The following TIMM21 variants were observed in gnomAD, a reference collection of about 807,000 sequenced individuals.
TIMM21 encodes mitochondrial import inner membrane translocase subunit Tim21.
Under a neutral mutation model 27.7 loss-of-function variants are expected in TIMM21, and 30 were observed. The ratio of observed to expected loss-of-function variants is 1.08; its 90% CI spans 0.81 to 1.47. TIMM21 has a LOEUF of 1.47. TIMM21 is among the 40% of genes most tolerant of loss of function. TIMM21 has a pLI of 0.00. For synonymous variants in TIMM21, 121 were observed against 114.4 expected, an observed-to-expected ratio of 1.06 and a Z score of -0.37; for missense variants, 292 against 302.9, an observed-to-expected ratio of 0.96 and a Z score of 0.27.
At chr18:74,149,243 T>G in intron 1 of TIMM21, 134 bp downstream of exon 1, 1 of 993,738 alleles carries the variant, frequency 1.0e-6, no homozygotes, top group Non-Finnish European at 1.5e-6. Flanking sequence ...TAAACATAAT[T>G]TAGAACTAGA....
intron 1 of TIMM21, among the ~76,000 whole-genome samples, chr18:74,154,887 A>G (rs1420223973): frequency 1.3e-5 from 2 of 152,182 alleles, no homozygotes; most frequent in East Asian, 3.9e-4. Flanking sequence ...TGCCTAACCT[A>G]CAGCAGTTGT....
At chr18:74,154,019 T>TTA (rs1411574607) in intron 1 of TIMM21, among the ~76,000 whole-genome samples, 1 of 152,176 alleles carries the variant, frequency 6.6e-6, no homozygotes, top group Non-Finnish European at 1.5e-5. Context: ...AACTGTAATG[T>TTA]TATAGCTCTT....
At position 74,160,090 on chromosome 18, in the gene TIMM21, A is replaced by T. The variant is rs1189279054; in HGVS notation, c.*1610A>T. ...TCCCAGCACTTTGGGAGGCTGAGGC[A>T]GGTCAATCACTGGAGGTCAGGAGTT... On this transcript the variant is annotated 3_prime_UTR_variant, in exon 6 of 6. Coordinates refer to ENST00000169551, the MANE Select transcript of TIMM21 (RefSeq NM_014177.3). 6.6e-6 allele frequency: 1 copy of T among 152,170 alleles called. No homozygotes were observed. The highest frequency in any genetic ancestry group is 6.5e-5 in the Admixed American group (1 of 15,274). 9.4% of individuals were successfully genotyped at this position (152,170 alleles called of 1,614,324 possible). A position where few individuals can be genotyped will look rare whatever the true frequency, so the allele number is the denominator to read the frequency against.
At position 74,158,207 on chromosome 18, in the gene TIMM21, G is replaced by T. The variant is rs749325569; in HGVS notation, c.573G>T (p.Thr191=). 6.2e-7 allele frequency: 1 copy of T among 1,614,160 alleles called. No individual in the cohort carries two copies. The highest frequency in any genetic ancestry group is 8.5e-7 in the Non-Finnish European group (1 of 1,180,018). The part of the protein sequence containing the change: ...TEYVKDGLKH[T]CVKFYIEGSE... ...ATGTAAAAGATGGGCTGAAACACAC[G>T]TGTGTGAAATTCTACATTGAGGGCT... is the stretch of plus-strand genomic sequence containing the variant. Residue 191 remains threonine, a synonymous_variant, in exon 5 of 6, where the codon ACG becomes ACT. Coordinates refer to ENST00000169551, the MANE Select transcript of TIMM21 (RefSeq NM_014177.3).
In TIMM21 at chr18:74,152,528, CA is replaced by C. The variant is rs1240824013; in HGVS notation, c.302-2616del. On this transcript the variant is annotated intron_variant, in intron 1 of 5. Coordinates refer to ENST00000169551, the MANE Select transcript of TIMM21 (RefSeq NM_014177.3). The surrounding 1 kb of genome is among the most constrained non-coding windows in gnomAD (Gnocchi z 4.1). ...TAAACTCCCAGAATAACACATCAGC[CA>C]GTACATTCCCTTCCGCCAGCATTCC... Among the ~76,000 whole-genome samples the C allele has an allele frequency of 6.6e-6, 1 of 152,144 alleles. No individual in the cohort carries two copies. Among genetic ancestry groups the C allele is most frequent in the Non-Finnish European group, 1.5e-5 (1 of 68,020 alleles).
chr18:74,149,715 A>T (rs770807290), intron 1 of TIMM21, among the ~76,000 whole-genome samples: 7 of 152,212 alleles, frequency 4.6e-5, no homozygotes, highest in African/African-American at 7.2e-5. Context: ...GATCATACCA[A>T]TTGTTTTAGA....
rs1980013702 is a variant in TIMM21 at position 74,158,388 on chromosome 18, G to A, written c.655G>A (p.Gly219Ser). 4 of 1,607,426 alleles carry A rather than the reference G, an allele frequency of 2.5e-6. No individual in the cohort carries two copies. The highest frequency in any genetic ancestry group is 1.3e-5 in the African/African-American group (1 of 74,442). The change falls in exon 6 of 6, where the codon GGT becomes AGT. Residue 219 changes from glycine (G) to serine (S), a missense_variant. Gly to Ser is a moderately conservative substitution (Grantham distance 56, BLOSUM62 0). Coordinates refer to ENST00000169551, the MANE Select transcript of TIMM21 (RefSeq NM_014177.3). ...YAQVKENPGSGEYDFRYIFVE... is the reference protein window; with the variant it reads ...YAQVKENPGSSEYDFRYIFVE... ...ACATTTTTTTCAGAACCCAGGAAGTGGTGAATATGATTTTCGATATATATT... is the reference window on the plus strand; with the variant it reads ...ACATTTTTTTCAGAACCCAGGAAGTAGTGAATATGATTTTCGATATATATT...
chr18:74,159,330 G>A lies in TIMM21; in HGVS notation c.*850G>A, dbSNP rs1268940259. On this transcript the variant is annotated 3_prime_UTR_variant, in exon 6 of 6. Transcript: ENST00000169551. ...CTATTTTATTTGAAATATTTGCTGG[G>A]GATTTGGAAAAAAGTGACCTTCACT... is the stretch of plus-strand genomic sequence containing the variant. The A allele has an allele frequency of 6.6e-6, 1 of 151,742 alleles. No individual in the cohort carries two copies. The highest frequency in any genetic ancestry group is 1.5e-5 in the Non-Finnish European group (1 of 67,950). 9.4% of individuals were successfully genotyped at this position (151,742 alleles called of 1,614,324 possible). A position where few individuals can be genotyped will look rare whatever the true frequency, so the allele number is the denominator to read the frequency against.
chr18:74,154,817 C>G (rs1034603176), intron 1 of TIMM21, among the ~76,000 whole-genome samples: 8 of 152,168 alleles, frequency 5.3e-5, no homozygotes, highest in African/African-American at 1.7e-4. Context: ...CATTTTGGTC[C>G]ATTCAGTCCC....
At chr18:74,154,186 G>A (rs551247445) in intron 1 of TIMM21, among the ~76,000 whole-genome samples, 36 of 152,202 alleles carry the variant, frequency 2.4e-4, no homozygotes, top group African/African-American at 7.9e-4. Flanking sequence ...ACAAATAAGC[G>A]TACTTGTATA....
chr18:74,157,227 A>C (rs1006695684), intron 3 of TIMM21: 4 of 152,184 alleles, frequency 2.6e-5, no homozygotes, highest in Admixed American at 2.6e-4. Flanking sequence ...TTTATTTTAA[A>C]TGTCATTATC....
At chr18:74,154,088 TAGAA>T (rs762441157) in intron 1 of TIMM21, among the ~76,000 whole-genome samples, 21 of 152,030 alleles carry the variant, frequency 1.4e-4, no homozygotes, top group East Asian at 1.2e-3. Context: ...AGTGAAAAAA[TAGAA>T]AGACTCACCT....
chr18:74,150,104 T>C (rs1429667902), intron 1 of TIMM21, among the ~76,000 whole-genome samples: 1 of 152,188 alleles, frequency 6.6e-6, no homozygotes, highest in Non-Finnish European at 1.5e-5. Flanking sequence ...CGAGGTCGGC[T>C]CATGTGTTGA....
intron 1 of TIMM21, among the ~76,000 whole-genome samples, chr18:74,150,143 C>T (rs548225542): frequency 5.9e-5 from 9 of 152,342 alleles, no homozygotes; most frequent in African/African-American, 2.2e-4. Context: ...TTGGACCCAC[C>T]TCTCACACTT....
Position 74,156,536 on chromosome 18 carries a change from G to A in TIMM21, c.462+1133G>A, listed in dbSNP as rs1979956241. On this transcript the variant is annotated intron_variant, in intron 3 of 5. Transcript: ENST00000169551. The stretch of plus-strand genomic sequence containing the variant: ...TAAAGTATCTCAGAGGTGAAAACCA[G>A]GAAATAAGGAAGGTTCGTTCCCATA... 4.3e-5 allele frequency: 16 copies of A among 368,600 alleles called. 1 individual carries two copies. In the East Asian group the frequency reaches 6.3e-4, roughly 14 times the overall value. The allele number at this position is 368,600 out of a possible 1,614,324, so 22.8% of individuals were successfully genotyped here. A position where few individuals can be genotyped will look rare whatever the true frequency, so the allele number is the denominator to read the frequency against.
At chr18:74,155,004 A>T in intron 1 of TIMM21, 141 bp from the exon 2 acceptor site, 1 of 737,426 alleles carries the variant, frequency 1.4e-6, no homozygotes, top group East Asian at 2.5e-5. Context: ...GGGAGTTTTC[A>T]AAACAGCTGC....
rs544701524 is a variant in TIMM21, at chr18:74,150,754, A to G, written c.301+1645A>G. 8.9e-4 allele frequency among the ~76,000 whole-genome samples: 136 copies of G among 152,204 alleles called. 1 individual carries two copies. Among genetic ancestry groups the G allele is most frequent in the African/African-American group, 3.2e-3 (131 of 41,508 alleles). ...TAACCACTGTCATTCTCCAGCACCT[A>G]TTTGTGTTTTGTAAAGGAAGACTGG... On this transcript the variant is annotated intron_variant, in intron 1 of 5. Transcript: ENST00000169551.
chr18:74,154,974 T>C (rs1349679640), intron 1 of TIMM21, 171 bp from the exon 2 acceptor site: 8 of 629,378 alleles, frequency 1.3e-5, no homozygotes, highest in Middle Eastern at 4.3e-4. Context: ...CTGAGAATTC[T>C]GCTGAGGCGC....
At chr18:74,153,917 A>G (rs541784821) in intron 1 of TIMM21, among the ~76,000 whole-genome samples, 1 of 152,344 alleles carries the variant, frequency 6.6e-6, no homozygotes, top group East Asian at 1.9e-4. Context: ...AATGTGGTGA[A>G]TAAATTAGTC....
Sources: gnomAD v4.1 joint callset for allele counts (sites outside exome capture counted in the v4.1 genomes callset) on GRCh38, gnomAD v4.1.1 for gene constraint, Gnocchi (gnomAD v3.1) non-coding constraint, MANE v1.5 for transcripts, NCBI Gene and HGNC (gene_info 2026-07-23, HGNC 2026-07-21) for gene names.